SOX2: variants seen among roughly 807,000 people sequenced by gnomAD.
SOX2 encodes the protein transcription factor SOX-2.
Under a neutral mutation model 19.7 loss-of-function variants are expected in SOX2, and 2 were observed. The observed-to-expected ratio is 0.10, with a 90% confidence interval of 0.04 to 0.32. The LOEUF (loss-of-function observed/expected upper bound fraction) is 0.32. Among genes scored for constraint, SOX2 ranks in the 10% least tolerant of loss-of-function variants. The probability of loss-of-function intolerance (pLI) is 1.00; values close to 1 mark genes in which losing one functional copy is unlikely to be tolerated. For synonymous variants in SOX2, 211 were observed against 196.8 expected (o/e 1.07, Z -0.60); for missense variants, 294 against 459.9 (o/e 0.64, Z 3.30).
rs1714931833 is a variant in SOX2, at chr3:181,714,413, A to AT, written c.*1104dup. On this transcript the variant is annotated 3_prime_UTR_variant, in exon 1 of 1. Transcript: ENST00000325404. Reference sequence around the variant, plus strand: ...ATTATGCACAGTTTGAGATAAATAAATTTTTGAAATATGGACACTGAAATT... The same window carrying AT: ...ATTATGCACAGTTTGAGATAAATAAATTTTTTGAAATATGGACACTGAAATT... The AT allele has an allele frequency of 4.4e-6, 1 of 227,068 alleles. No homozygotes were observed. Among genetic ancestry groups the AT allele is most frequent in the Non-Finnish European group, 9.5e-6 (1 of 104,848 alleles). The allele number at this position is 227,068 out of a possible 1,614,324, so 14.1% of individuals were successfully genotyped here. A position where few individuals can be genotyped will look rare whatever the true frequency, so the allele number is the denominator to read the frequency against.
In SOX2 at chr3:181,712,799, G is replaced by A. The variant is rs2108522528; in HGVS notation, c.439G>A (p.Ala147Thr). The change falls in exon 1 of 1, where the codon GCC becomes ACC. Residue 147 changes from alanine to threonine, a missense_variant. Physicochemically the swap from Ala to Thr is moderately conservative, Grantham distance 58 (BLOSUM62 0). Around this residue, in one of 3 missense-constraint regions of SOX2, gnomAD observed 223 missense variants for 292.7 expected, o/e 0.76. Transcript: ENST00000325404. The surrounding 1 kb of genome is among the most constrained non-coding windows in gnomAD (Gnocchi z 8.5). ...CATGGCGAGCGGGGTCGGGGTGGGCGCCGGCCTGGGCGCGGGCGTGAACCA... is the reference window on the plus strand; with the variant it reads ...CATGGCGAGCGGGGTCGGGGTGGGCACCGGCCTGGGCGCGGGCGTGAACCA... The part of the protein sequence containing the change: ...NSMASGVGVG[A>T]GLGAGVNQRM... The A allele has an allele frequency of 6.2e-7, 1 of 1,600,322 alleles. No individual in the cohort carries two copies. The highest frequency in any genetic ancestry group is 8.5e-7 in the Non-Finnish European group (1 of 1,173,930).
In SOX2 at chr3:181,712,690, C is replaced by T. The variant is rs2108522196; in HGVS notation, c.330C>T (p.Tyr110=). ...LHMKEHPDYK[Y]RPRRKTKTLM... ...TGAAGGAGCACCCGGATTATAAATA[C>T]CGGCCCCGGCGGAAAACCAAGACGC... The change falls in exon 1 of 1, where the codon TAC becomes TAT. Residue 110 remains tyrosine (Y), a synonymous_variant. Transcript: ENST00000325404. This position sits in a 1 kb window ranked among gnomAD's most constrained non-coding sequence, Gnocchi z 8.5. 1 of 1,614,066 alleles carries T rather than the reference C, an allele frequency of 6.2e-7. No homozygotes were observed. Among genetic ancestry groups the T allele is most frequent in the Non-Finnish European group, 8.5e-7 (1 of 1,179,962 alleles).
chr3:181,713,493 A>C lies in SOX2; in HGVS notation c.*179A>C. On this transcript the variant is annotated 3_prime_UTR_variant, in exon 1 of 1. Coordinates refer to ENST00000325404, the MANE Select transcript of SOX2 (RefSeq NM_003106.4). ...ATGACAGCTGCAAAAGAGAACACCA[A>C]TCCCATCCACACTCACGCAAAAACC... 8.6e-6 allele frequency: 7 copies of C among 809,360 alleles called. No homozygotes were observed. The highest frequency in any genetic ancestry group is 2.7e-5 in the East Asian group (1 of 36,682). The allele number at this position is 809,360 out of a possible 1,614,324, so 50.1% of individuals were successfully genotyped here.
In SOX2 at chr3:181,713,829, A is replaced by T. The variant is rs1714911781; in HGVS notation, c.*515A>T. The T allele has an allele frequency of 3.9e-6, 1 of 254,416 alleles. No individual in the cohort carries two copies. 15.8% of individuals were successfully genotyped at this position (254,416 alleles called of 1,614,324 possible). A position where few individuals can be genotyped will look rare whatever the true frequency, so the allele number is the denominator to read the frequency against. On this transcript the variant is annotated 3_prime_UTR_variant, in exon 1 of 1. Transcript: ENST00000325404. ...GATAAACATGGCAATCAAAATGTCC[A>T]TTGTTTATAAGCTGAGAATTTGCCA...
rs767041458 is a variant in SOX2, at chr3:181,712,786, G to C, written c.426G>C (p.Gly142=). The C allele has an allele frequency of 6.2e-7, 1 of 1,602,650 alleles. No individual in the cohort carries two copies. Among genetic ancestry groups the C allele is most frequent in the South Asian group, 1.1e-5 (1 of 90,210 alleles). Residue 142 remains glycine, a synonymous_variant, in exon 1 of 1, where the codon GGG becomes GGC. Transcript: ENST00000325404. The surrounding 1 kb of genome is among the most constrained non-coding windows in gnomAD (Gnocchi z 8.5). ...CCGGCGGCAATAGCATGGCGAGCGG[G>C]GTCGGGGTGGGCGCCGGCCTGGGCG... ...LAPGGNSMAS[G]VGVGAGLGAG...
Position 181,714,170 on chromosome 3 carries a change from A to C in SOX2, c.*856A>C, listed in dbSNP as rs1174349112. 4.1e-6 allele frequency: 1 copy of C among 242,684 alleles called. No homozygotes were observed. Among genetic ancestry groups the C allele is most frequent in the Non-Finnish European group, 8.7e-6 (1 of 114,844 alleles). The allele number at this position is 242,684 out of a possible 1,614,324, so 15.0% of individuals were successfully genotyped here. Reference sequence around the variant, plus strand: ...TTTCCATTTTGTTCAGATAAAAAAAACCATGAAATTACTGTGTTTGAAATA... The same window carrying C: ...TTTCCATTTTGTTCAGATAAAAAAACCCATGAAATTACTGTGTTTGAAATA... On this transcript the variant is annotated 3_prime_UTR_variant, in exon 1 of 1. Transcript: ENST00000325404.
In SOX2 at chr3:181,712,310, G is replaced by A; in HGVS notation, c.-51G>A. The A allele has an allele frequency of 3.1e-6, 4 of 1,297,376 alleles. No individual in the cohort carries two copies. Among genetic ancestry groups the A allele is most frequent in the African/African-American group, 1.6e-5 (1 of 63,838 alleles). 80.4% of individuals were successfully genotyped at this position (1,297,376 alleles called of 1,614,324 possible). On this transcript the variant is annotated 5_prime_UTR_variant, in exon 1 of 1. Transcript: ENST00000325404. This position sits in a 1 kb window ranked among gnomAD's most constrained non-coding sequence, Gnocchi z 8.5. Reference sequence around the variant, plus strand: ...CCGCGGGCCCCCCAAAGTCCCGGCCGGGCCGAGGGTCGGCGGCCGCCGGCG... The same window carrying A: ...CCGCGGGCCCCCCAAAGTCCCGGCCAGGCCGAGGGTCGGCGGCCGCCGGCG...
Position 181,712,864 on chromosome 3 carries a change from C to T in SOX2, c.504C>T (p.Asn168=). 2 of 1,608,342 alleles carry T rather than the reference C, an allele frequency of 1.2e-6. No individual in the cohort carries two copies. The highest frequency in any genetic ancestry group is 1.3e-5 in the African/African-American group (1 of 74,994). Residue 168 remains asparagine (N), a synonymous_variant, in exon 1 of 1, where the codon AAC becomes AAT. Coordinates refer to ENST00000325404, the MANE Select transcript of SOX2 (RefSeq NM_003106.4). The surrounding 1 kb of genome is among the most constrained non-coding windows in gnomAD (Gnocchi z 8.5). Reference sequence around the variant, plus strand: ...ACGCGCACATGAACGGCTGGAGCAACGGCAGCTACAGCATGATGCAGGACC... The same window carrying T: ...ACGCGCACATGAACGGCTGGAGCAATGGCAGCTACAGCATGATGCAGGACC... The part of the protein sequence containing the change: ...DSYAHMNGWS[N]GSYSMMQDQL...
chr3:181,713,512 A>T lies in SOX2; in HGVS notation c.*198A>T. 1 of 715,458 alleles carries T rather than the reference A, an allele frequency of 1.4e-6. No homozygotes were observed. The highest frequency in any genetic ancestry group is 2.3e-6 in the Non-Finnish European group (1 of 429,608). The allele number at this position is 715,458 out of a possible 1,614,324, so 44.3% of individuals were successfully genotyped here. On this transcript the variant is annotated 3_prime_UTR_variant, in exon 1 of 1. Coordinates refer to ENST00000325404, the MANE Select transcript of SOX2 (RefSeq NM_003106.4). The stretch of plus-strand genomic sequence containing the variant: ...ACACCAATCCCATCCACACTCACGC[A>T]AAAACCGCGATGCCGACAAGAAAAC...
At position 181,712,186 on chromosome 3, in the gene SOX2, C is replaced by G; in HGVS notation, c.-175C>G. The G allele has an allele frequency of 2.2e-6, 1 of 446,370 alleles. No homozygotes were observed. 27.7% of individuals were successfully genotyped at this position (446,370 alleles called of 1,614,324 possible). On this transcript the variant is annotated 5_prime_UTR_variant, in exon 1 of 1. Coordinates refer to ENST00000325404, the MANE Select transcript of SOX2 (RefSeq NM_003106.4). This position sits in a 1 kb window ranked among gnomAD's most constrained non-coding sequence, Gnocchi z 8.5. ...TTTTGATCCTGATTCCAGTTTGCCTCTCTCTTTTTTTCCCCCAAATTATTC... is the reference window on the plus strand; with the variant it reads ...TTTTGATCCTGATTCCAGTTTGCCTGTCTCTTTTTTTCCCCCAAATTATTC...
rs1252975814 is a variant in SOX2 at position 181,711,998 on chromosome 3, G to C, written c.-363G>C. ...CAGAGAAGAGAGTGTTTGCAAAAGG[G>C]GGAAAGTAGTTTGCTGCCTCTTTAA... On this transcript the variant is annotated 5_prime_UTR_variant, in exon 1 of 1. Transcript: ENST00000325404. 3.7e-6 allele frequency: 1 copy of C among 268,020 alleles called. No individual in the cohort carries two copies. The highest frequency in any genetic ancestry group is 2.1e-5 in the African/African-American group (1 of 46,538). The allele number at this position is 268,020 out of a possible 1,614,324, so 16.6% of individuals were successfully genotyped here. A position where few individuals can be genotyped will look rare whatever the true frequency, so the allele number is the denominator to read the frequency against.
Position 181,711,958 on chromosome 3 carries a change from CAGG to C in SOX2, c.-400_-398del, listed in dbSNP as rs1016332849. On this transcript the variant is annotated 5_prime_UTR_variant, in exon 1 of 1. Transcript: ENST00000325404. Reference sequence around the variant, plus strand: ...TCTATTAACTTGTTCAAAAAAGTATCAGGAGTTGTCAAGGCAGAGAAGAGAGTG... The same window carrying C: ...TCTATTAACTTGTTCAAAAAAGTATCAGTTGTCAAGGCAGAGAAGAGAGTG... 4 of 243,496 alleles carry C rather than the reference CAGG, an allele frequency of 1.6e-5. No homozygotes were observed. The highest frequency in any genetic ancestry group is 3.2e-5 in the Non-Finnish European group (4 of 125,726). 15.1% of individuals were successfully genotyped at this position (243,496 alleles called of 1,614,324 possible). A position where few individuals can be genotyped will look rare whatever the true frequency, so the allele number is the denominator to read the frequency against.
chr3:181,713,445 A>T lies in SOX2; in HGVS notation c.*131A>T, dbSNP rs2108524180. On this transcript the variant is annotated 3_prime_UTR_variant, in exon 1 of 1. Coordinates refer to ENST00000325404, the MANE Select transcript of SOX2 (RefSeq NM_003106.4). Reference sequence around the variant, plus strand: ...ACGCTCAAAAAGAAAAAGGAAAAAAAAAAATCCCATCACCCACAGCAAATG... The same window carrying T: ...ACGCTCAAAAAGAAAAAGGAAAAAATAAAATCCCATCACCCACAGCAAATG... 7.9e-7 allele frequency: 1 copy of T among 1,263,970 alleles called. No individual in the cohort carries two copies. The highest frequency in any genetic ancestry group is 2.5e-5 in the East Asian group (1 of 39,490). The allele number at this position is 1,263,970 out of a possible 1,614,324, so 78.3% of individuals were successfully genotyped here.
Position 181,712,519 on chromosome 3 carries a change from C to T in SOX2, c.159C>T (p.Arg53=). The T allele has an allele frequency of 6.2e-7, 1 of 1,614,142 alleles. No homozygotes were observed. The change falls in exon 1 of 1, where the codon CGC becomes CGT. Residue 53 remains arginine (R), a synonymous_variant. Coordinates refer to ENST00000325404, the MANE Select transcript of SOX2 (RefSeq NM_003106.4). The surrounding 1 kb of genome is among the most constrained non-coding windows in gnomAD (Gnocchi z 8.5). ...RPMNAFMVWS[R]GQRRKMAQEN... Reference sequence around the variant, plus strand: ...TGAATGCCTTCATGGTGTGGTCCCGCGGGCAGCGGCGCAAGATGGCCCAGG... The same window carrying T: ...TGAATGCCTTCATGGTGTGGTCCCGTGGGCAGCGGCGCAAGATGGCCCAGG...
rs766466234 is a variant in SOX2 at position 181,712,943 on chromosome 3, C to G, written c.583C>G (p.Gln195Glu). The G allele has an allele frequency of 6.2e-7, 1 of 1,613,864 alleles. No homozygotes were observed. The highest frequency in any genetic ancestry group is 8.5e-7 in the Non-Finnish European group (1 of 1,180,038). Residue 195 changes from glutamine to glutamate, a missense_variant, in exon 1 of 1, where the codon CAG becomes GAG. Transcript: ENST00000325404. The surrounding 1 kb of genome is among the most constrained non-coding windows in gnomAD (Gnocchi z 8.5). Reference sequence around the variant, plus strand: ...CAATGCGCACGGCGCAGCGCAGATGCAGCCCATGCACCGCTACGACGTGAG... The same window carrying G: ...CAATGCGCACGGCGCAGCGCAGATGGAGCCCATGCACCGCTACGACGTGAG... ...GLNAHGAAQM[Q>E]PMHRYDVSAL...
In SOX2 at chr3:181,714,163, A is replaced by T. The variant is rs186572523; in HGVS notation, c.*849A>T. The T allele has an allele frequency of 1.2e-4, 29 of 240,698 alleles. No homozygotes were observed. The highest frequency in any genetic ancestry group is 5.3e-4 in the African/African-American group (24 of 45,036). The allele number at this position is 240,698 out of a possible 1,614,324, so 14.9% of individuals were successfully genotyped here. On this transcript the variant is annotated 3_prime_UTR_variant, in exon 1 of 1. Coordinates refer to ENST00000325404, the MANE Select transcript of SOX2 (RefSeq NM_003106.4). ...TCCCAACTTTCCATTTTGTTCAGAT[A>T]AAAAAAACCATGAAATTACTGTGTT...
rs1714903932 is a variant in SOX2 at position 181,713,666 on chromosome 3, T to TA, written c.*352_*353insA. ...GAGGAAAGAAAGCTACGAAAAACTTTTTAAAAGTTCTAGTGGTACGGTAGG... is the reference window on the plus strand; with the variant it reads ...GAGGAAAGAAAGCTACGAAAAACTTTATTAAAAGTTCTAGTGGTACGGTAGG... On this transcript the variant is annotated 3_prime_UTR_variant, in exon 1 of 1. Transcript: ENST00000325404. The TA allele has an allele frequency of 2.4e-6, 1 of 418,128 alleles. No individual in the cohort carries two copies. Among genetic ancestry groups the TA allele is most frequent in the African/African-American group, 2.0e-5 (1 of 49,948 alleles). The allele number at this position is 418,128 out of a possible 1,614,324, so 25.9% of individuals were successfully genotyped here. A position where few individuals can be genotyped will look rare whatever the true frequency, so the allele number is the denominator to read the frequency against.
chr3:181,714,135 C>G lies in SOX2; in HGVS notation c.*821C>G, dbSNP rs1714923046. 4.1e-6 allele frequency: 1 copy of G among 243,158 alleles called. No individual in the cohort carries two copies. Among genetic ancestry groups the G allele is most frequent in the South Asian group, 1.8e-4 (1 of 5,462 alleles). 15.1% of individuals were successfully genotyped at this position (243,158 alleles called of 1,614,324 possible). ...TTGGTAATTTATAATAGCTTTTGTT[C>G]GATCCCAACTTTCCATTTTGTTCAG... On this transcript the variant is annotated 3_prime_UTR_variant, in exon 1 of 1. Coordinates refer to ENST00000325404, the MANE Select transcript of SOX2 (RefSeq NM_003106.4).
Position 181,712,910 on chromosome 3 carries a change from C to T in SOX2, c.550C>T (p.Pro184Ser), listed in dbSNP as rs1454294338. Reference sequence around the variant, plus strand: ...GGACCAGCTGGGCTACCCGCAGCACCCGGGCCTCAATGCGCACGGCGCAGC... The same window carrying T: ...GGACCAGCTGGGCTACCCGCAGCACTCGGGCCTCAATGCGCACGGCGCAGC... ...MQDQLGYPQH[P>S]GLNAHGAAQM... The change falls in exon 1 of 1, where the codon CCG (proline) becomes TCG (serine). Residue 184 changes from proline (P) to serine (S), a missense_variant. By Grantham distance (74) the Pro-to-Ser change is moderately conservative (BLOSUM62 -1). This residue lies in a region of SOX2 where 223 missense variants were observed against 292.7 expected (regional missense o/e 0.76). Transcript: ENST00000325404. The surrounding 1 kb of genome is among the most constrained non-coding windows in gnomAD (Gnocchi z 8.5). 2.5e-6 allele frequency: 4 copies of T among 1,613,240 alleles called. No homozygotes were observed. Among genetic ancestry groups the T allele is most frequent in the Admixed American group, 1.7e-5 (1 of 60,010 alleles).
Sources: gnomAD v4.1 joint callset for allele counts on GRCh38, gnomAD v4.1.1 for gene constraint, gnomAD v4.1.1 regional missense constraint, Gnocchi (gnomAD v3.1) non-coding constraint, MANE v1.5 for transcripts, NCBI Gene and HGNC (gene_info 2026-07-23, HGNC 2026-07-21) for gene names.